GPC6: variants seen among roughly 807,000 people sequenced by gnomAD.
The protein encoded by GPC6 is glypican-6.
A neutral mutation model predicts 55.2 loss-of-function variants in GPC6; 14 were observed. The ratio of observed to expected loss-of-function variants is 0.25; its 90% CI spans 0.17 to 0.40. The LOEUF (loss-of-function observed/expected upper bound fraction) is 0.40, where lower values mean the gene tolerates loss of function less well. Among genes scored for constraint, GPC6 ranks in the 10% least tolerant of loss-of-function variants. GPC6 has a pLI of 1.00. For missense variants in GPC6, 641 were observed against 708.5 expected (o/e 0.90, Z 1.08); for synonymous variants, 278 against 259.6 (o/e 1.07, Z -0.68).
chr13:93,854,585 C>A (rs1051589782), intron 3 of GPC6, among the ~76,000 whole-genome samples: 7 of 151,734 alleles, frequency 4.6e-5, no homozygotes, highest in Admixed American at 1.3e-4. Flanking sequence ...TATTTTAATA[C>A]AAAAGACATT....
chr13:93,844,192 G>A (rs528344710), intron 3 of GPC6, among the ~76,000 whole-genome samples: 2 of 152,208 alleles, frequency 1.3e-5, no homozygotes, highest in South Asian at 4.1e-4. Context: ...AGGCTGGAGT[G>A]CAATGCCACG....
intron 1 of GPC6, among the ~76,000 whole-genome samples, chr13:93,306,715 T>C (rs575684412): frequency 1.4e-4 from 22 of 152,140 alleles, no homozygotes; most frequent in Non-Finnish European, 2.8e-4. Context: ...GCTAAATTTA[T>C]TGAATCATGG....
chr13:93,463,821 C>G (rs1878802979), intron 1 of GPC6, among the ~76,000 whole-genome samples: 1 of 150,382 alleles, frequency 6.6e-6, no homozygotes. Context: ...TGTTGTTGTT[C>G]TGACTTACGG....
At chr13:93,666,524 A>C (rs986831532) in intron 2 of GPC6, among the ~76,000 whole-genome samples, 6 of 152,216 alleles carry the variant, frequency 3.9e-5, no homozygotes, top group African/African-American at 1.4e-4. Context: ...TGTAATATAT[A>C]TAAAGCATCT....
intron 2 of GPC6, among the ~76,000 whole-genome samples, chr13:93,571,247 A>G (rs890166320): frequency 1.4e-4 from 22 of 152,124 alleles, no homozygotes; most frequent in African/African-American, 5.1e-4. Context: ...ACAGGCATAC[A>G]TGTACACGTG....
intron 3 of GPC6, among the ~76,000 whole-genome samples, chr13:93,870,603 A>G (rs1448875141): frequency 1.3e-5 from 2 of 151,810 alleles, no homozygotes; most frequent in Non-Finnish European, 1.5e-5. Flanking sequence ...GGATGTGACT[A>G]TATCTGGAGA....
intron 1 of GPC6, among the ~76,000 whole-genome samples, chr13:93,475,607 G>A (rs1879275673): frequency 6.6e-6 from 1 of 152,128 alleles, no homozygotes; most frequent in Non-Finnish European, 1.5e-5. Context: ...CTTTAGCAAG[G>A]GAAAATAACC....
chr13:93,233,344 C>CAAAA (rs199803814), intron 1 of GPC6, among the ~76,000 whole-genome samples: 33 of 126,142 alleles, frequency 2.6e-4, no homozygotes, highest in African/African-American at 5.2e-4. Context: ...AGTTAGTAGC[C>CAAAA]AAAAAAAAAA....
intron 4 of GPC6, among the ~76,000 whole-genome samples, chr13:94,079,590 A>C (rs895164447): frequency 3.9e-5 from 6 of 152,116 alleles, no homozygotes; most frequent in Admixed American, 2.0e-4. Context: ...GTTGCTTTAC[A>C]CTTTAATATT....
intron 4 of GPC6, among the ~76,000 whole-genome samples, chr13:94,059,817 C>G (rs1285188020): frequency 1.3e-5 from 2 of 151,754 alleles, no homozygotes; most frequent in Admixed American, 1.3e-4. Flanking sequence ...GAGGGCTCCT[C>G]CTTCATGACC....
chr13:93,589,980 G>C (rs1171751630), intron 2 of GPC6, among the ~76,000 whole-genome samples: 1 of 152,204 alleles, frequency 6.6e-6, no homozygotes. Flanking sequence ...TACTAATGCA[G>C]AAGCCTGCTG....
chr13:94,317,631 C>T (rs1390427346), intron 6 of GPC6, among the ~76,000 whole-genome samples: 2 of 152,186 alleles, frequency 1.3e-5, no homozygotes, highest in Non-Finnish European at 1.5e-5. Context: ...GGTGAGGGCT[C>T]AAGTGAAAGG....
At position 93,998,770 on chromosome 13, in the gene GPC6, GTA is replaced by G. The variant is rs372041742; in HGVS notation, c.712-28948_712-28947del. On this transcript the variant is annotated intron_variant, in intron 3 of 8. Coordinates refer to ENST00000377047, the MANE Select transcript of GPC6 (RefSeq NM_005708.5). ...ATGATGTTTTGAAATATATATGTGT[GTA>G]TATATATATAATGGAATGGCTAAAT... 9.5e-3 allele frequency among the ~76,000 whole-genome samples: 1,438 copies of G among 151,486 alleles called. 8 individuals are homozygous for G. The highest frequency in any genetic ancestry group is 0.017 in the Admixed American group (259 of 15,172).
chr13:93,315,476 A>T (rs1879214880), intron 1 of GPC6, among the ~76,000 whole-genome samples: 2 of 151,962 alleles, frequency 1.3e-5, no homozygotes, highest in Non-Finnish European at 2.9e-5. Context: ...TTAGCTACTG[A>T]AAATTATAAT....
At chr13:93,845,180 A>G (rs898329284) in intron 3 of GPC6, among the ~76,000 whole-genome samples, 5 of 152,108 alleles carry the variant, frequency 3.3e-5, no homozygotes, top group Admixed American at 2.0e-4. Context: ...AACTCTGTGA[A>G]CAGACACTTC....
At chr13:93,463,496 A>G (rs867193430) in intron 1 of GPC6, among the ~76,000 whole-genome samples, 1 of 152,108 alleles carries the variant, frequency 6.6e-6, no homozygotes, top group Non-Finnish European at 1.5e-5. Context: ...CCACTTAAAG[A>G]GTTCTTGTGT....
chr13:94,271,355 TACAC>T (rs200714304), intron 4 of GPC6, among the ~76,000 whole-genome samples: 8 of 128,262 alleles, frequency 6.2e-5, no homozygotes, highest in South Asian at 2.7e-4. Context: ...ACTTGTTAAA[TACAC>T]ACACACACGC....
chr13:94,393,637 C>A (rs2139221940), intron 7 of GPC6, among the ~76,000 whole-genome samples: 1 of 152,204 alleles, frequency 6.6e-6, no homozygotes, highest in Non-Finnish European at 1.5e-5. Flanking sequence ...GAAGCCCAGA[C>A]CGGCACCCAA....
At chr13:94,034,247 A>ATGAAG (rs1555289094) in intron 4 of GPC6, among the ~76,000 whole-genome samples, 1 of 146,932 alleles carries the variant, frequency 6.8e-6, no homozygotes, top group Non-Finnish European at 1.5e-5. Context: ...GAAGGAAGGA[A>ATGAAG]GGAAAGAAAG....
Sources: allele counts gnomAD v4.1 joint callset (sites outside exome capture counted in the v4.1 genomes callset), GRCh38; gene constraint gnomAD v4.1.1; transcripts MANE v1.5; gene names NCBI Gene and HGNC (gene_info 2026-07-23, HGNC 2026-07-21).